The following PUM3 variants were observed in gnomAD, a reference collection of about 807,000 sequenced individuals.
PUM3 encodes the protein pumilio homolog 3.
Under a neutral mutation model 84.0 loss-of-function variants are expected in PUM3, and 91 were observed. The ratio of observed to expected loss-of-function variants is 1.08; its 90% CI spans 0.91 to 1.29. The LOEUF (loss-of-function observed/expected upper bound fraction) is 1.29, where lower values mean the gene tolerates loss of function less well. Among genes scored for constraint, PUM3 ranks in the 50% most tolerant of loss-of-function variants. The pLI, the probability that PUM3 is intolerant of heterozygous loss-of-function variation, is 0.00. For synonymous variants in PUM3, 321 were observed against 266.7 expected (o/e 1.20, Z -1.98); for missense variants, 1,067 against 767.5 (o/e 1.39, Z -4.61).
chr9:2,820,667 G>T (rs887172909), intron 12 of PUM3, among the ~76,000 whole-genome samples: 2 of 151,856 alleles, frequency 1.3e-5, no homozygotes, highest in African/African-American at 4.8e-5. Context: ...TTTCTTTAAA[G>T]TGATCTCACA....
rs1294849119 is a variant in PUM3 at position 2,833,435 on chromosome 9, A to G, written c.441-3T>C. 6.6e-7 allele frequency: 1 copy of G among 1,520,542 alleles called. No homozygotes were observed. Among genetic ancestry groups the G allele is most frequent in the East Asian group, 2.3e-5 (1 of 44,010 alleles). The allele number at this position is 1,520,542 out of a possible 1,614,324, so 94.2% of individuals were successfully genotyped here. ...TTTTTTCTTTGTCACAGTCTTTTCT[A>G]CAAATGAGGAGAGGAAGGAAACACA... On this transcript the variant is annotated splice_polypyrimidine_tract_variant and splice_region_variant and intron_variant, in intron 4 of 17. Transcript: ENST00000397885.
At position 2,829,880 on chromosome 9, in the gene PUM3, G is replaced by T. The variant is rs199616112; in HGVS notation, c.746C>A (p.Ala249Glu). The part of the protein sequence containing the change: ...KGHVRKMLRH[A>E]EASAIVEYAY... ...GTACTCCACGATGGCTGATGCTTCC[G>T]CATGCCGCAGCATCTTCCTCACGTG... is the stretch of plus-strand genomic sequence containing the variant. Residue 249 changes from alanine to glutamate, a missense_variant, in exon 8 of 18, where the codon GCG becomes GAG. Ala to Glu is a moderately radical substitution (Grantham distance 107). Coordinates refer to ENST00000397885, the MANE Select transcript of PUM3 (RefSeq NM_014878.5). 5 of 1,613,660 alleles carry T rather than the reference G, an allele frequency of 3.1e-6. No individual in the cohort carries two copies. Among genetic ancestry groups the T allele is most frequent in the Admixed American group, 1.7e-5 (1 of 60,004 alleles).
rs760610723 is a variant in PUM3, at chr9:2,834,000, G to T, written c.440+31C>A. ...ACTGACTTCTCCACTGTTGCAAAGG[G>T]ACTAACAAAGGCATCTTTAGGTAGA... is the stretch of plus-strand genomic sequence containing the variant. On this transcript the variant is annotated intron_variant, in intron 4 of 17. Coordinates refer to ENST00000397885, the MANE Select transcript of PUM3 (RefSeq NM_014878.5). 3 of 1,606,730 alleles carry T rather than the reference G, an allele frequency of 1.9e-6. No individual in the cohort carries two copies. The Admixed American group carries it at 5.1e-5, about 27-fold the overall frequency.
intron 3 of PUM3, among the ~76,000 whole-genome samples, chr9:2,836,808 T>C (rs1175401653): frequency 2.0e-5 from 3 of 151,724 alleles, no homozygotes; most frequent in Non-Finnish European, 4.4e-5. Flanking sequence ...TTTGTGTGTG[T>C]GCGTGTGTGT....
chr9:2,832,362 C>T (rs1182266035), intron 5 of PUM3, among the ~76,000 whole-genome samples: 3 of 152,054 alleles, frequency 2.0e-5, no homozygotes, highest in Non-Finnish European at 4.4e-5. Context: ...TCTCTATTAC[C>T]CCGAGGAAGA....
Position 2,820,007 on chromosome 9 carries a change from G to A in PUM3, c.1269+11C>T, listed in dbSNP as rs767298904. The A allele has an allele frequency of 1.9e-6, 3 of 1,571,204 alleles. No individual in the cohort carries two copies. The highest frequency in any genetic ancestry group is 2.2e-5 in the East Asian group (1 of 44,656). The stretch of plus-strand genomic sequence containing the variant: ...ATGTAACTTAAATTCAAGACCATCA[G>A]GATTACTTACTGATATGATTATCTG... On this transcript the variant is annotated intron_variant, in intron 13 of 17. Coordinates refer to ENST00000397885, the MANE Select transcript of PUM3 (RefSeq NM_014878.5).
Position 2,823,783 on chromosome 9 carries a change from T to C in PUM3, c.1186A>G (p.Asn396Asp), listed in dbSNP as rs1357503978. 7.0e-6 allele frequency: 10 copies of C among 1,425,548 alleles called. No individual in the cohort carries two copies. Among genetic ancestry groups the C allele is most frequent in the Non-Finnish European group, 9.7e-6 (10 of 1,030,126 alleles). The allele number at this position is 1,425,548 out of a possible 1,614,324, so 88.3% of individuals were successfully genotyped here. Residue 396 changes from asparagine to aspartate, a missense_variant and splice_region_variant, in exon 12 of 18, where the codon AAT becomes GAT. Asn to Asp is a conservative substitution (Grantham distance 23, BLOSUM62 1). Transcript: ENST00000397885. ...ATATGTAGTTTTATTATACTTACAT[T>C]AGCCACCTTTTCAACATAAGTCTTC... ...TMKTYVEKVA[N>D]GQYSHLVLLA...
At chr9:2,806,393 G>A (rs767092677) in intron 17 of PUM3, among the ~76,000 whole-genome samples, 4 of 152,142 alleles carry the variant, frequency 2.6e-5, no homozygotes, top group Admixed American at 1.3e-4. Context: ...AGCTATGAAT[G>A]CTCCTGTGTG....
chr9:2,818,673 G>A (rs1821522522), intron 13 of PUM3, among the ~76,000 whole-genome samples: 1 of 152,280 alleles, frequency 6.6e-6, no homozygotes, highest in Admixed American at 6.5e-5. Flanking sequence ...CAAGGAACAT[G>A]TCAAAATACT....
rs373852508 is a variant in PUM3 at position 2,824,755 on chromosome 9, T to G, written c.1096A>C (p.Arg366=). Residue 366 remains arginine (R), a synonymous_variant, in exon 11 of 18, where the codon AGA becomes CGA. Transcript: ENST00000397885. The part of the protein sequence containing the change: ...VYLAHTHDGA[R]VAMHCLWHGT... ...TGCCACAGGCAGTGCATGGCCACTCTGGCGCCATCGTGTGTGTGTGCCAGG... is the reference window on the plus strand; with the variant it reads ...TGCCACAGGCAGTGCATGGCCACTCGGGCGCCATCGTGTGTGTGTGCCAGG... 6.3e-6 allele frequency: 10 copies of G among 1,588,126 alleles called. No individual in the cohort carries two copies. The highest frequency in any genetic ancestry group is 8.6e-6 in the Non-Finnish European group (10 of 1,163,638).
intron 17 of PUM3, among the ~76,000 whole-genome samples, chr9:2,804,789 T>C (rs537733688): frequency 2.6e-5 from 4 of 152,340 alleles, no homozygotes; most frequent in East Asian, 3.9e-4. Context: ...ATGTATTCTA[T>C]CTTCCCTTCC....
intron 1 of PUM3, among the ~76,000 whole-genome samples, chr9:2,839,931 A>G (rs1293931753): frequency 6.6e-6 from 1 of 152,230 alleles, no homozygotes; most frequent in Non-Finnish European, 1.5e-5. Context: ...ATGTTAACAT[A>G]CAGTTAACTA....
Position 2,804,808 on chromosome 9 carries a change from G to A in PUM3, c.1815-345C>T, listed in dbSNP as rs148654622. ...ATTCTATCTTCCCTTCCCCATCTCA[G>A]GACTATAAGCTCAAGAGCAGGGACC... is the stretch of plus-strand genomic sequence containing the variant. On this transcript the variant is annotated intron_variant, in intron 17 of 17. Coordinates refer to ENST00000397885, the MANE Select transcript of PUM3 (RefSeq NM_014878.5). 8.7e-4 allele frequency among the ~76,000 whole-genome samples: 132 copies of A among 152,154 alleles called. No homozygotes were observed. The Middle Eastern group carries it at 0.024, about 27-fold the overall frequency.
intron 11 of PUM3, 29 bp downstream of exon 11, chr9:2,824,687 GT>G: frequency 7.0e-7 from 1 of 1,425,334 alleles, no homozygotes. Context: ...GACTTGTACA[GT>G]TTAAATGCCC....
intron 17 of PUM3, 51 bp downstream of exon 17, chr9:2,807,763 G>A: frequency 8.7e-7 from 1 of 1,151,760 alleles, no homozygotes. Context: ...AAGGAAGTGT[G>A]TCTTTTGCAT....
chr9:2,804,246 G>T lies in PUM3; in HGVS notation c.*85C>A. 1 of 1,368,616 alleles carries T rather than the reference G, an allele frequency of 7.3e-7. No individual in the cohort carries two copies. The highest frequency in any genetic ancestry group is 1.0e-6 in the Non-Finnish European group (1 of 992,994). The allele number at this position is 1,368,616 out of a possible 1,614,324, so 84.8% of individuals were successfully genotyped here. ...ACAGAGTACCCCAATTACCAGTATGGTGGACCCTACCCCTTCTTTTCTGCA... is the reference window on the plus strand; with the variant it reads ...ACAGAGTACCCCAATTACCAGTATGTTGGACCCTACCCCTTCTTTTCTGCA... On this transcript the variant is annotated 3_prime_UTR_variant, in exon 18 of 18. Coordinates refer to ENST00000397885, the MANE Select transcript of PUM3 (RefSeq NM_014878.5).
In PUM3 at chr9:2,837,418, T is replaced by C. The variant is rs780366081; in HGVS notation, c.83-17A>G. The C allele has an allele frequency of 3.3e-6, 5 of 1,522,012 alleles. No homozygotes were observed. In the East Asian group the frequency reaches 9.0e-5, roughly 27 times the overall value. 94.3% of individuals were successfully genotyped at this position (1,522,012 alleles called of 1,614,324 possible). On this transcript the variant is annotated splice_polypyrimidine_tract_variant and intron_variant, in intron 2 of 17. Coordinates refer to ENST00000397885, the MANE Select transcript of PUM3 (RefSeq NM_014878.5). ...AACCAGAATCTAGTGACAATAATAA[T>C]TATAAGTTCAATGATTCTGGGCCCA...
intron 10 of PUM3, among the ~76,000 whole-genome samples, chr9:2,826,728 T>C (rs1815831678): frequency 6.6e-6 from 1 of 152,214 alleles, no homozygotes; most frequent in African/African-American, 2.4e-5. Flanking sequence ...CTAATTTTTT[T>C]TTTGTATTAG....
chr9:2,813,412 C>A (rs571508164), intron 13 of PUM3, among the ~76,000 whole-genome samples: 2 of 152,276 alleles, frequency 1.3e-5, no homozygotes, highest in Admixed American at 1.3e-4. Context: ...TTGAGCACCC[C>A]ATATTCTTCA....
Sources: gnomAD v4.1 joint callset for allele counts (sites outside exome capture counted in the v4.1 genomes callset) on GRCh38, gnomAD v4.1.1 for gene constraint, MANE v1.5 for transcripts, NCBI Gene and HGNC (gene_info 2026-07-23, HGNC 2026-07-21) for gene names.